Variants in PIWIL1 observed in about 807,000 individuals in gnomAD.
PIWIL1 encodes piwi-like protein 1.
Under a neutral mutation model 114.4 loss-of-function variants are expected in PIWIL1, and 73 were observed. That is an observed-to-expected ratio of 0.64 (90% confidence interval 0.53 to 0.78). The LOEUF is 0.78. PIWIL1 is among the 30% of genes least tolerant of loss of function. PIWIL1 has a pLI of 0.00. For missense variants in PIWIL1, 723 were observed against 1,063.1 expected (o/e 0.68, Z 4.45); for synonymous variants, 375 against 369.0 (o/e 1.02, Z -0.19).
chr12:130,393,242 G>A, the PIWIL1 span, among the ~76,000 whole-genome samples: 1 of 146,436 alleles, frequency 6.8e-6, no homozygotes, highest in South Asian at 2.1e-4. Flanking sequence ...GTTACCTGGT[G>A]AGTATTGAAT....
In PIWIL1 at chr12:130,371,533, C is replaced by G; in HGVS notation, c.2521C>G (p.Leu841Val). 1 of 1,614,188 alleles carries G rather than the reference C, an allele frequency of 6.2e-7. No individual in the cohort carries two copies. The highest frequency in any genetic ancestry group is 1.1e-5 in the South Asian group (1 of 91,074). ...PCQYAHKLAF[L>V]VGQSIHREPN... ...CCAGTACGCCCACAAGCTGGCTTTT[C>G]TTGTTGGCCAGAGTATTCACAGAGA... The change falls in exon 21 of 21, where the codon CTT becomes GTT. Residue 841 changes from leucine (L) to valine (V), a missense_variant. By Grantham distance (32) the Leu-to-Val change is conservative (BLOSUM62 1). Around this residue, in one of 8 missense-constraint regions of PIWIL1, gnomAD observed 106 missense variants for 182.8 expected, o/e 0.58. Transcript: ENST00000245255.
At chr12:130,381,844 T>C in the PIWIL1 span, among the ~76,000 whole-genome samples, 2 of 152,236 alleles carry the variant, frequency 1.3e-5, no homozygotes, top group Non-Finnish European at 2.9e-5. Context: ...TTGGCCATTC[T>C]GATAGGTGTG....
At chr12:130,409,911 T>C in the PIWIL1 span, among the ~76,000 whole-genome samples, 3 of 152,218 alleles carry the variant, frequency 2.0e-5, no homozygotes, top group Non-Finnish European at 4.4e-5. Flanking sequence ...AGTAAGTGTA[T>C]AAGAGGGAAG....
chr12:130,420,035 ATAAG>A, the PIWIL1 span, among the ~76,000 whole-genome samples: 1 of 152,230 alleles, frequency 6.6e-6, no homozygotes, highest in African/African-American at 2.4e-5. This position sits in a 1 kb window ranked among gnomAD's most constrained non-coding sequence, Gnocchi z 4.3. Flanking sequence ...TCTGAAAAAG[ATAAG>A]TAATCCTTTG....
At chr12:130,409,221 C>T in the PIWIL1 span, among the ~76,000 whole-genome samples, 1 of 151,956 alleles carries the variant, frequency 6.6e-6, no homozygotes, top group African/African-American at 2.4e-5. Flanking sequence ...AGATATAGAC[C>T]GGCCATAGTC....
At chr12:130,412,191 A>C in the PIWIL1 span, among the ~76,000 whole-genome samples, 1 of 152,332 alleles carries the variant, frequency 6.6e-6, no homozygotes, top group African/African-American at 2.4e-5. Flanking sequence ...TAAAGAGAAA[A>C]GAGCTTGTGC....
the PIWIL1 span, chr12:130,398,505 A>G: frequency 6.5e-6 from 1 of 152,708 alleles, no homozygotes; most frequent in Non-Finnish European, 1.5e-5. Flanking sequence ...TGCGTGCTTC[A>G]TCAACTTAGT....
intron 6 of PIWIL1, among the ~76,000 whole-genome samples, chr12:130,347,763 A>AT (rs2073107289): frequency 7.2e-6 from 1 of 139,300 alleles, no homozygotes; most frequent in African/African-American, 2.8e-5. Context: ...AAGCCATGTC[A>AT]TCTCTTGGCA....
chr12:130,390,685 T>G, the PIWIL1 span, among the ~76,000 whole-genome samples: 7 of 152,338 alleles, frequency 4.6e-5, no homozygotes, highest in East Asian at 1.4e-3. Context: ...TTCCTACCCC[T>G]TACTCTGAAG....
At chr12:130,339,823 C>G (rs766371876) in intron 1 of PIWIL1, 3 of 152,194 alleles carry the variant, frequency 2.0e-5, no homozygotes, top group Non-Finnish European at 2.9e-5. Flanking sequence ...CTCCCCACCC[C>G]GTAATTTCTG....
the PIWIL1 span, among the ~76,000 whole-genome samples, chr12:130,377,906 G>A: frequency 4.6e-5 from 7 of 152,186 alleles, no homozygotes; most frequent in African/African-American, 7.2e-5. Context: ...AGTGGAGAGC[G>A]GGAGTAGTAC....
the PIWIL1 span, chr12:130,407,936 A>C: frequency 3.1e-6 from 3 of 977,848 alleles, no homozygotes; most frequent in Non-Finnish European, 4.9e-6. Flanking sequence ...GAGACCTGGC[A>C]CTGCTAACAG....
downstream of PIWIL1, among the ~76,000 whole-genome samples, chr12:130,377,410 C>T (rs879721370): frequency 1.3e-5 from 2 of 152,166 alleles, no homozygotes; most frequent in African/African-American, 2.4e-5. Flanking sequence ...CCCCTAATGT[C>T]GGTGCGCACG....
At chr12:130,407,849 G>A in the PIWIL1 span, 7 of 1,599,314 alleles carry the variant, frequency 4.4e-6, no homozygotes, top group Non-Finnish European at 8.6e-7. Context: ...TCACAAGGGG[G>A]AAAGAAATCC....
chr12:130,414,521 C>A, the PIWIL1 span: 1 of 442,460 alleles, frequency 2.3e-6, no homozygotes, highest in Non-Finnish European at 4.0e-6. Context: ...CCTGGCCACA[C>A]TGCATGTGAA....
At chr12:130,365,768 G>T (rs2073638847) in intron 18 of PIWIL1, among the ~76,000 whole-genome samples, 1 of 152,178 alleles carries the variant, frequency 6.6e-6, no homozygotes, top group African/African-American at 2.4e-5. Context: ...TTTAGATGCT[G>T]TCATGAAGTC....
At chr12:130,357,157 A>T in intron 13 of PIWIL1, 52 bp downstream of exon 13, 407 of 1,324,696 alleles carry the variant, frequency 3.1e-4, no homozygotes, top group Non-Finnish European at 4.0e-4. Flanking sequence ...AGTCATTTGG[A>T]GGGGTGGGAA....
downstream of PIWIL1, among the ~76,000 whole-genome samples, chr12:130,375,311 G>C (rs2073858815): frequency 6.6e-6 from 1 of 152,160 alleles, no homozygotes; most frequent in Non-Finnish European, 1.5e-5. Flanking sequence ...TTCAATTCAT[G>C]ATCACAAGCA....
At chr12:130,397,115 A>G in the PIWIL1 span, 1 of 295,434 alleles carries the variant, frequency 3.4e-6, no homozygotes, top group Non-Finnish European at 6.2e-6. Flanking sequence ...TGTTAATAAG[A>G]CGTCCCCTCC....
Sources: allele counts gnomAD v4.1 joint callset (sites outside exome capture counted in the v4.1 genomes callset), GRCh38; gene constraint gnomAD v4.1.1; regional missense constraint gnomAD v4.1.1; non-coding constraint Gnocchi (gnomAD v3.1); transcripts MANE v1.5; gene names NCBI Gene and HGNC (gene_info 2026-07-23, HGNC 2026-07-21).